Variants in IGSF9B observed in about 807,000 individuals in gnomAD.
The protein encoded by IGSF9B is protein turtle homolog B.
IGSF9B carries 48 observed loss-of-function variants against 143.7 expected under a neutral mutation model. The ratio of observed to expected loss-of-function variants is 0.33; its 90% CI spans 0.26 to 0.42. The LOEUF (loss-of-function observed/expected upper bound fraction) is 0.42. IGSF9B is among the 20% of genes least tolerant of loss of function. The probability of loss-of-function intolerance (pLI) is 1.00; values close to 1 mark genes in which losing one functional copy is unlikely to be tolerated. For missense variants in IGSF9B, 1,706 were observed against 1,980.0 expected (o/e 0.86, Z 2.63); for synonymous variants, 903 against 833.1 (o/e 1.08, Z -1.44).
At chr11:133,950,165 G>C (rs1940131818) in intron 1 of IGSF9B, among the ~76,000 whole-genome samples, 1 of 152,222 alleles carries the variant, frequency 6.6e-6, no homozygotes, top group Non-Finnish European at 1.5e-5. Context: ...CCAGGGCCTG[G>C]CACAGCCCAT....
In IGSF9B at chr11:133,902,448, G is replaced by GACACACCACACACACCCACACCACAC. The variant is rs747664339; in HGVS notation, c.*6620_*6621insGTGTGGTGTGGGTGTGTGTGGTGTGT. ...CACACCACACCACACACACCACCCA[G>GACACACCACACACACCCACACCACAC]ACACACCACACACAGATACACACAC... On this transcript the variant is annotated 3_prime_UTR_variant, in exon 20 of 20. Coordinates refer to ENST00000533871, the MANE Select transcript of IGSF9B (RefSeq NM_001277285.4). Among the ~76,000 whole-genome samples the GACACACCACACACACCCACACCACAC allele has an allele frequency of 7.8e-6, 1 of 127,424 alleles. No individual in the cohort carries two copies. The highest frequency in any genetic ancestry group is 3.3e-5 in the African/African-American group (1 of 30,632). The allele number at this position is 127,424 out of a possible 152,430, so 83.6% of individuals were successfully genotyped here. A position where few individuals can be genotyped will look rare whatever the true frequency, so the allele number is the denominator to read the frequency against.
intron 11 of IGSF9B, 31 bp downstream of exon 11, chr11:133,930,953 G>A (rs764921906): frequency 3.3e-5 from 52 of 1,579,358 alleles, no homozygotes; most frequent in East Asian, 2.5e-4. Flanking sequence ...CTCTGTCCCC[G>A]CCGCCCGGCC....
rs553288197 is a variant in IGSF9B at position 133,919,685 on chromosome 11, G to T, written c.3983+57C>A. On this transcript the variant is annotated intron_variant, in intron 18 of 19. Coordinates refer to ENST00000533871, the MANE Select transcript of IGSF9B (RefSeq NM_001277285.4). ...TGGACGGGGTGGAGGGCAGGGCGAG[G>T]CGGGTGGGGGAAGGAAGTTGCCCAG... The T allele has an allele frequency of 2.0e-5, 23 of 1,132,754 alleles. No homozygotes were observed. In the East Asian group the frequency reaches 6.2e-4, roughly 30 times the overall value. 70.2% of individuals were successfully genotyped at this position (1,132,754 alleles called of 1,614,324 possible). A position where few individuals can be genotyped will look rare whatever the true frequency, so the allele number is the denominator to read the frequency against.
chr11:133,953,531 TC>T lies in IGSF9B; in HGVS notation c.64+3159del, dbSNP rs1220384189. On this transcript the variant is annotated intron_variant, in intron 1 of 19. Coordinates refer to ENST00000533871, the MANE Select transcript of IGSF9B (RefSeq NM_001277285.4). The surrounding 1 kb of genome is among the most constrained non-coding windows in gnomAD (Gnocchi z 4.2). ...AACCTCTGAGTCCAAACCTCCACCC[TC>T]CCATCTTCATTACCAAAAGGAAGCA... Among the ~76,000 whole-genome samples, 1 of 152,100 alleles carries T rather than the reference TC, an allele frequency of 6.6e-6. No homozygotes were observed. The highest frequency in any genetic ancestry group is 1.5e-5 in the Non-Finnish European group (1 of 68,010).
intron 11 of IGSF9B, 24 bp downstream of exon 11, chr11:133,930,944 TCTGTCCCCGCCGCCCG>T: frequency 6.4e-7 from 1 of 1,563,288 alleles, no homozygotes; most frequent in Non-Finnish European, 8.7e-7. Context: ...GCCAGCCTGC[TCTGTCCCCGCCGCCCG>T]GCCCAGCCTT....
chr11:133,926,489 A>C (rs1013853395), intron 13 of IGSF9B, among the ~76,000 whole-genome samples: 16 of 152,202 alleles, frequency 1.1e-4, no homozygotes, highest in Non-Finnish European at 2.1e-4. Flanking sequence ...AACTGTGGCC[A>C]GGCAGGGAGG....
In IGSF9B at chr11:133,905,361, C is replaced by T. The variant is rs760120755; in HGVS notation, c.*3708G>A. Among the ~76,000 whole-genome samples, 1 of 151,912 alleles carries T rather than the reference C, an allele frequency of 6.6e-6. No homozygotes were observed. Among genetic ancestry groups the T allele is most frequent in the African/African-American group, 2.4e-5 (1 of 41,346 alleles). ...GCAGTGCCAAAGATGCTGGAGGCTCCGTGAAATCTGTTTCTCCCTAGAAGC... is the reference window on the plus strand; with the variant it reads ...GCAGTGCCAAAGATGCTGGAGGCTCTGTGAAATCTGTTTCTCCCTAGAAGC... On this transcript the variant is annotated 3_prime_UTR_variant, in exon 20 of 20. Coordinates refer to ENST00000533871, the MANE Select transcript of IGSF9B (RefSeq NM_001277285.4). This position sits in a 1 kb window ranked among gnomAD's most constrained non-coding sequence, Gnocchi z 4.0.
At chr11:133,952,634 GTA>G (rs1271320537) in intron 1 of IGSF9B, among the ~76,000 whole-genome samples, 1 of 150,848 alleles carries the variant, frequency 6.6e-6, no homozygotes, top group African/African-American at 2.5e-5. Flanking sequence ...GCATGCACAC[GTA>G]TGGGCACATG....
At chr11:133,919,291 C>T (rs1939461656) in intron 18 of IGSF9B, among the ~76,000 whole-genome samples, 1 of 152,108 alleles carries the variant, frequency 6.6e-6, no homozygotes, top group African/African-American at 2.4e-5. Context: ...AAGTCAGGCT[C>T]CGGGGTCCTG....
chr11:133,946,409 C>G, intron 1 of IGSF9B, 151 bp from the exon 2 acceptor site: 1 of 641,572 alleles, frequency 1.6e-6, no homozygotes, highest in Non-Finnish European at 2.7e-6. Flanking sequence ...CAGGCACACC[C>G]TCCATCCCTC....
chr11:133,931,469 A>T lies in IGSF9B; in HGVS notation c.1352T>A (p.Val451Asp). ...CCCAGGTACCTTTCTCCAAGTGATG[A>T]CAGGAAAGGGGTCCCCTGCGGCAGC... ...PCAAAGDPFP[V>D]ITWRKVGKPS... Residue 451 changes from valine (V) to aspartate (D), a missense_variant, in exon 10 of 20, where the codon GTC becomes GAC. Transcript: ENST00000533871. The surrounding 1 kb of genome is among the most constrained non-coding windows in gnomAD (Gnocchi z 7.7). 6.2e-7 allele frequency: 1 copy of T among 1,611,702 alleles called. No homozygotes were observed. Among genetic ancestry groups the T allele is most frequent in the Non-Finnish European group, 8.5e-7 (1 of 1,178,652 alleles).
At position 133,902,927 on chromosome 11, in the gene IGSF9B, C is replaced by T. The variant is rs890814658; in HGVS notation, c.*6142G>A. ...CAGCGTGAGGAGGGCTGGGCACTCG[C>T]CCCTCCCATGGCTTATATGAAAACC... On this transcript the variant is annotated 3_prime_UTR_variant, in exon 20 of 20. Transcript: ENST00000533871. Among the ~76,000 whole-genome samples the T allele has an allele frequency of 6.6e-6, 1 of 152,168 alleles. No individual in the cohort carries two copies. Among genetic ancestry groups the T allele is most frequent in the Non-Finnish European group, 1.5e-5 (1 of 68,036 alleles).
chr11:133,914,980 ATCCTATCCC>A (rs1271106095), intron 18 of IGSF9B, among the ~76,000 whole-genome samples: 1 of 152,074 alleles, frequency 6.6e-6, no homozygotes, highest in Non-Finnish European at 1.5e-5. Context: ...AAGCAACTCC[ATCCTATCCC>A]TGGAATTCAG....
At chr11:133,914,305 A>G (rs1485768432) in intron 18 of IGSF9B, among the ~76,000 whole-genome samples, 1 of 152,084 alleles carries the variant, frequency 6.6e-6, no homozygotes, top group Non-Finnish European at 1.5e-5. Context: ...GACTCTTAAC[A>G]TTAGGCTCAC....
chr11:133,939,925 G>GC (rs1939896831), intron 3 of IGSF9B, among the ~76,000 whole-genome samples: 3 of 145,900 alleles, frequency 2.1e-5, no homozygotes, highest in Non-Finnish European at 4.5e-5. Context: ...ATCCTCGCAC[G>GC]CGTCATCACA....
Position 133,906,446 on chromosome 11 carries a change from G to A in IGSF9B, c.*2623C>T, listed in dbSNP as rs538327149. ...CCACTGAGAGATGGGCAGACCTGAC[G>A]TCCTTGCCCTAGCCAGGGAAGCCAC... On this transcript the variant is annotated 3_prime_UTR_variant, in exon 20 of 20. Transcript: ENST00000533871. Among the ~76,000 whole-genome samples the A allele has an allele frequency of 7.9e-5, 12 of 152,354 alleles. No individual in the cohort carries two copies. Among genetic ancestry groups the A allele is most frequent in the Admixed American group, 2.6e-4 (4 of 15,312 alleles).
At chr11:133,922,436 A>C in intron 16 of IGSF9B, 133 bp downstream of exon 16, 4 of 1,014,852 alleles carry the variant, frequency 3.9e-6, no homozygotes, top group Non-Finnish European at 5.7e-6. Context: ...ATCAAGTCTC[A>C]CTGGCAGCTC....
At chr11:133,917,131 G>A (rs902215994) in intron 18 of IGSF9B, among the ~76,000 whole-genome samples, 5 of 152,252 alleles carry the variant, frequency 3.3e-5, no homozygotes, top group Middle Eastern at 3.4e-3. Flanking sequence ...TCTCCTTCTC[G>A]CCTGGAAAGC....
chr11:133,934,925 T>A (rs1220742475), intron 7 of IGSF9B, among the ~76,000 whole-genome samples: 1 of 152,114 alleles, frequency 6.6e-6, no homozygotes, highest in African/African-American at 2.4e-5. Context: ...CATCCACAAA[T>A]CAAAAGGAAG....
Sources: allele counts gnomAD v4.1 joint callset (sites outside exome capture counted in the v4.1 genomes callset), GRCh38; gene constraint gnomAD v4.1.1; non-coding constraint Gnocchi (gnomAD v3.1); transcripts MANE v1.5; gene names NCBI Gene and HGNC (gene_info 2026-07-23, HGNC 2026-07-21).